The following ANKH variants were observed in gnomAD, a reference collection of about 807,000 sequenced individuals.
The protein encoded by ANKH is mineralization regulator ANKH.
In ANKH, 15 loss-of-function variants were observed where a neutral mutation model predicts 49.0. The ratio of observed to expected loss-of-function variants is 0.31; its 90% CI spans 0.20 to 0.47. The LOEUF is 0.47. Ranked by LOEUF, ANKH falls within the 20% of genes least tolerant of loss-of-function variation. The pLI is 1.00. For synonymous variants in ANKH, 273 were observed against 260.0 expected (o/e 1.05, Z -0.48); for missense variants, 429 against 652.0 (o/e 0.66, Z 3.72).
At chr5:14,787,269 G>A (rs1407430327) in intron 1 of ANKH, among the ~76,000 whole-genome samples, 6 of 151,618 alleles carry the variant, frequency 4.0e-5, no homozygotes, top group Admixed American at 3.3e-4. Context: ...AGCCAAGATA[G>A]CGCCATTGCA....
chr5:14,822,529 G>A (rs1040433343), intron 1 of ANKH, among the ~76,000 whole-genome samples: 1 of 152,104 alleles, frequency 6.6e-6, no homozygotes, highest in Non-Finnish European at 1.5e-5. Context: ...CTCAAATAAG[G>A]ATTCAATTCT....
intron 2 of ANKH, among the ~76,000 whole-genome samples, chr5:14,767,306 C>T (rs1420688274): frequency 2.6e-5 from 4 of 152,178 alleles, no homozygotes; most frequent in Non-Finnish European, 5.9e-5. Flanking sequence ...AGGAGGCCAA[C>T]ACTCTAGAAA....
In ANKH at chr5:14,737,628, G is replaced by A. The variant is rs73048844; in HGVS notation, c.1011+4199C>T. On this transcript the variant is annotated intron_variant, in intron 8 of 11. Coordinates refer to ENST00000284268, the MANE Select transcript of ANKH (RefSeq NM_054027.6). This position sits in a 1 kb window ranked among gnomAD's most constrained non-coding sequence, Gnocchi z 5.0. ...ACACCTTGCATGGCGAGGCTGCGACGCAGTCTCCTTTGCGTGGCTGCAACC... is the reference window on the plus strand; with the variant it reads ...ACACCTTGCATGGCGAGGCTGCGACACAGTCTCCTTTGCGTGGCTGCAACC... Among the ~76,000 whole-genome samples, 142 of 152,358 alleles carry A rather than the reference G, an allele frequency of 9.3e-4. 1 individual carries two copies. The highest frequency in any genetic ancestry group is 3.2e-3 in the African/African-American group (131 of 41,584).
intron 1 of ANKH, among the ~76,000 whole-genome samples, chr5:14,841,802 C>G (rs1198267724): frequency 6.6e-6 from 1 of 152,124 alleles, no homozygotes; most frequent in African/African-American, 2.4e-5. Flanking sequence ...TTTGACTACT[C>G]TAAGTACCAC....
chr5:14,827,752 A>ATT (rs58139790), intron 1 of ANKH, among the ~76,000 whole-genome samples: 8 of 151,694 alleles, frequency 5.3e-5, no homozygotes, highest in East Asian at 1.9e-4. Context: ...CCTAAGACCT[A>ATT]TTTTTTTTGG....
intron 1 of ANKH, among the ~76,000 whole-genome samples, chr5:14,808,124 C>T (rs912150186): frequency 2.6e-5 from 4 of 151,984 alleles, no homozygotes; most frequent in African/African-American, 4.8e-5. Flanking sequence ...CTTATACATG[C>T]CCAGTGTGTT....
chr5:14,857,355 T>C (rs1424776769), intron 1 of ANKH, among the ~76,000 whole-genome samples: 1 of 152,176 alleles, frequency 6.6e-6, no homozygotes, highest in African/African-American at 2.4e-5. Flanking sequence ...AGTTTAAAAG[T>C]ATTACATTAA....
At chr5:14,805,430 CATAT>C (rs764517280) in intron 1 of ANKH, among the ~76,000 whole-genome samples, 2 of 119,348 alleles carry the variant, frequency 1.7e-5, no homozygotes, top group Non-Finnish European at 3.4e-5. Flanking sequence ...ATCCTATAAA[CATAT>C]ATATGTGTGT....
intron 8 of ANKH, among the ~76,000 whole-genome samples, chr5:14,724,155 T>C (rs1054027251): frequency 4.6e-5 from 7 of 152,106 alleles, no homozygotes; most frequent in Non-Finnish European, 7.4e-5. Context: ...CCATCTCTAC[T>C]AAAAATACAA....
At chr5:14,823,158 A>G (rs559716979) in intron 1 of ANKH, among the ~76,000 whole-genome samples, 2 of 152,340 alleles carry the variant, frequency 1.3e-5, no homozygotes, top group East Asian at 1.9e-4. Context: ...GACATTTACT[A>G]TATTTGTTGC....
chr5:14,793,057 TA>T (rs1257486958), intron 1 of ANKH, among the ~76,000 whole-genome samples: 53 of 54,652 alleles, frequency 9.7e-4, no homozygotes, highest in Admixed American at 2.9e-3. Context: ...TAAATATATA[TA>T]AAATATATAT....
chr5:14,758,835 T>C (rs2126495622), intron 2 of ANKH, among the ~76,000 whole-genome samples: 1 of 152,372 alleles, frequency 6.6e-6, no homozygotes, highest in East Asian at 1.9e-4. Flanking sequence ...TGTTTTAACG[T>C]AAAAACGAGA....
intron 1 of ANKH, among the ~76,000 whole-genome samples, chr5:14,834,424 G>A (rs763820631): frequency 2.0e-5 from 3 of 152,234 alleles, no homozygotes; most frequent in South Asian, 4.2e-4. Flanking sequence ...ACACTGTAAC[G>A]TTAGAGGAAA....
chr5:14,815,497 CATCA>C (rs1489927596), intron 1 of ANKH, among the ~76,000 whole-genome samples: 1 of 152,160 alleles, frequency 6.6e-6, no homozygotes, highest in Non-Finnish European at 1.5e-5. Flanking sequence ...TACTTTCTCC[CATCA>C]ATCATTCTAA....
chr5:14,776,686 T>C (rs1362509054), intron 1 of ANKH, among the ~76,000 whole-genome samples: 1 of 152,210 alleles, frequency 6.6e-6, no homozygotes, highest in African/African-American at 2.4e-5. Flanking sequence ...GCTATGGTCA[T>C]GAAATTCAGC....
rs751126084 is a variant in ANKH, at chr5:14,710,664, T to A, written c.*533A>T. 5 of 175,442 alleles carry A rather than the reference T, an allele frequency of 2.8e-5. No individual in the cohort carries two copies. The highest frequency in any genetic ancestry group is 5.5e-5 in the Admixed American group (1 of 18,060). The allele number at this position is 175,442 out of a possible 1,614,324, so 10.9% of individuals were successfully genotyped here. A position where few individuals can be genotyped will look rare whatever the true frequency, so the allele number is the denominator to read the frequency against. ...CCACCCGCCTCCTGCATGTGTGGAG[T>A]AGATGGTTTCGAACTCCGTGGCGGA... On this transcript the variant is annotated 3_prime_UTR_variant, in exon 12 of 12. Coordinates refer to ENST00000284268, the MANE Select transcript of ANKH (RefSeq NM_054027.6).
rs948971070 is a variant in ANKH at position 14,708,887 on chromosome 5, GGGAAA to G, written c.*2305_*2309del. The G allele has an allele frequency of 2.8e-5, 4 of 144,894 alleles. No individual in the cohort carries two copies. The highest frequency in any genetic ancestry group is 1.1e-4 in the African/African-American group (4 of 36,236). The allele number at this position is 144,894 out of a possible 1,614,324, so 9.0% of individuals were successfully genotyped here. ...CTTGCTGATCCTTCCTGGATTTAGA[GGGAAA>G]GGATTTTTTTTTTTTTTGAGATGGA... On this transcript the variant is annotated 3_prime_UTR_variant, in exon 12 of 12. Transcript: ENST00000284268.
intron 8 of ANKH, among the ~76,000 whole-genome samples, chr5:14,729,974 C>T (rs753961688): frequency 3.3e-5 from 5 of 152,194 alleles, no homozygotes; most frequent in Non-Finnish European, 7.3e-5. Context: ...CACCTTTATC[C>T]TCAGTTCCGC....
At chr5:14,867,357 C>T (rs1735677119) in intron 1 of ANKH, among the ~76,000 whole-genome samples, 1 of 152,064 alleles carries the variant, frequency 6.6e-6, no homozygotes, top group South Asian at 2.1e-4. Flanking sequence ...ATTGTTTCCT[C>T]ATATATATCA....
Sources: gnomAD v4.1 joint callset for allele counts (sites outside exome capture counted in the v4.1 genomes callset) on GRCh38, gnomAD v4.1.1 for gene constraint, Gnocchi (gnomAD v3.1) non-coding constraint, MANE v1.5 for transcripts, NCBI Gene and HGNC (gene_info 2026-07-23, HGNC 2026-07-21) for gene names.